ARHGEF1: variants seen among roughly 807,000 people sequenced by gnomAD.
ARHGEF1 encodes Rho guanine nucleotide exchange factor 1.
In ARHGEF1, 40 loss-of-function variants were observed where a neutral mutation model predicts 119.7. The observed-to-expected ratio is 0.33, with a 90% CI of 0.26 to 0.44. The LOEUF is 0.44. ARHGEF1 is among the 20% of genes least tolerant of loss of function. The probability of loss-of-function intolerance (pLI) is 1.00; values close to 1 mark genes in which losing one functional copy is unlikely to be tolerated. For synonymous variants in ARHGEF1, 494 were observed against 521.0 expected (o/e 0.95, Z 0.71); for missense variants, 976 against 1,268.3 (o/e 0.77, Z 3.50).
downstream of ARHGEF1, chr19:41,908,111 A>G (rs1185756284): frequency 1.3e-6 from 1 of 761,174 alleles, no homozygotes; most frequent in Non-Finnish European, 1.8e-6. This position sits in a 1 kb window ranked among gnomAD's most constrained non-coding sequence, Gnocchi z 6.7. Flanking sequence ...TGGGGCAGCA[A>G]TGTGCCCAGA....
At position 41,889,872 on chromosome 19, in the gene ARHGEF1, A is replaced by G. The variant is rs1172673344; in HGVS notation, c.225+1007A>G. On this transcript the variant is annotated intron_variant, in intron 4 of 28. Transcript: ENST00000354532. The surrounding 1 kb of genome is among the most constrained non-coding windows in gnomAD (Gnocchi z 4.0). ...CACGGAGACTCTGGCCCTCTGAGCA[A>G]GGGAGTCCCCTATTCAAGCCTTGGG... is the stretch of plus-strand genomic sequence containing the variant. 2 of 152,218 alleles carry G rather than the reference A, an allele frequency of 1.3e-5. No homozygotes were observed. Among genetic ancestry groups the G allele is most frequent in the African/African-American group, 4.8e-5 (2 of 41,454 alleles). The allele number at this position is 152,218 out of a possible 1,614,324, so 9.4% of individuals were successfully genotyped here. A position where few individuals can be genotyped will look rare whatever the true frequency, so the allele number is the denominator to read the frequency against.
rs2074670355 is a variant in ARHGEF1, at chr19:41,905,211, G to C, written c.2286G>C (p.Leu762=). The change falls in exon 24 of 29, where the codon CTG becomes CTC. Residue 762 remains leucine, a synonymous_variant. Coordinates refer to ENST00000354532, the MANE Select transcript of ARHGEF1 (RefSeq NM_004706.4). The surrounding 1 kb of genome is among the most constrained non-coding windows in gnomAD (Gnocchi z 6.4). ...TCATCACTGAGACTGCCGGATCCCT[G>C]AAAGTCCCTGCCCCTGCCTCTCGCC... ...CALITETAGS[L]KVPAPASRPK... 4.3e-6 allele frequency: 7 copies of C among 1,614,062 alleles called. No homozygotes were observed. Among genetic ancestry groups the C allele is most frequent in the Non-Finnish European group, 5.1e-6 (6 of 1,179,976 alleles).
intron 14 of ARHGEF1, 143 bp from the exon 15 acceptor site, chr19:41,901,744 T>C (rs1319829956): frequency 9.6e-7 from 1 of 1,040,836 alleles, no homozygotes; most frequent in Admixed American, 2.7e-5. Context: ...TGAACCACCA[T>C]GGCTAGCCAG....
Position 41,901,965 on chromosome 19 carries a change from G to C in ARHGEF1, c.1346G>C (p.Cys449Ser). 3 of 1,614,038 alleles carry C rather than the reference G, an allele frequency of 1.9e-6. No homozygotes were observed. The highest frequency in any genetic ancestry group is 2.5e-6 in the Non-Finnish European group (3 of 1,180,000). The change falls in exon 15 of 29, where the codon TGC becomes TCC. Residue 449 changes from cysteine (C) to serine (S), a missense_variant. Transcript: ENST00000354532. ...CTCTTCTTCCAGCCCATGGCAGAAT[G>C]CCTGTTCTTCCCCTTGGAGGAGCTG... Reference protein sequence around the residue: ...HDLFFQPMAECLFFPLEELQN... With the variant: ...HDLFFQPMAESLFFPLEELQN...
rs1599667562 is a variant in ARHGEF1 at position 41,906,731 on chromosome 19, G to A, written c.2684G>A (p.Arg895Lys). ...EELEEEFCRL[R>K]PLLSQLGGNS... Reference sequence around the variant, plus strand: ...TTGGAGGAGGAATTTTGCCGCCTGAGACCCCTCCTGTCTCAGCTTGGGGGG... The same window carrying A: ...TTGGAGGAGGAATTTTGCCGCCTGAAACCCCTCCTGTCTCAGCTTGGGGGG... Residue 895 changes from arginine to lysine, a missense_variant, in exon 28 of 29, where the codon AGA becomes AAA. Transcript: ENST00000354532. The surrounding 1 kb of genome is among the most constrained non-coding windows in gnomAD (Gnocchi z 4.5). 14 of 1,611,126 alleles carry A rather than the reference G, an allele frequency of 8.7e-6. No homozygotes were observed. The highest frequency in any genetic ancestry group is 1.2e-5 in the Non-Finnish European group (14 of 1,178,886).
At chr19:41,896,936 TC>T (rs1435969969) in intron 13 of ARHGEF1, 3 of 265,148 alleles carry the variant, frequency 1.1e-5, no homozygotes, top group Non-Finnish European at 2.1e-5. Flanking sequence ...CTCTCTCACC[TC>T]CCCCCTCCTC....
chr19:41,918,512 C>T (rs1422376812), upstream of ARHGEF1, among the ~76,000 whole-genome samples: 1 of 145,154 alleles, frequency 6.9e-6, no homozygotes, highest in East Asian at 2.0e-4. Flanking sequence ...ACACACACCA[C>T]ACACATCACA....
chr19:41,920,576 G>A (rs558165653), upstream of ARHGEF1, among the ~76,000 whole-genome samples: 3 of 151,472 alleles, frequency 2.0e-5, no homozygotes, highest in African/African-American at 4.9e-5. Flanking sequence ...ACTCACAGAC[G>A]TGATGCACTC....
chr19:41,925,258 G>T (rs1329684649), intron 1 of ARHGEF1, among the ~76,000 whole-genome samples: 1 of 152,136 alleles, frequency 6.6e-6, no homozygotes, highest in Non-Finnish European at 1.5e-5. Flanking sequence ...AATGGCAGGT[G>T]CAGGGGGTTA....
At chr19:41,919,522 C>CAA (rs782787468), upstream of ARHGEF1, among the ~76,000 whole-genome samples, 3 of 151,862 alleles carry the variant, frequency 2.0e-5, no homozygotes, top group Non-Finnish European at 4.4e-5. Context: ...TACACACACA[C>CAA]ACACACACAC....
At chr19:41,919,821 G>C (rs554194814), upstream of ARHGEF1, among the ~76,000 whole-genome samples, 4 of 151,940 alleles carry the variant, frequency 2.6e-5, no homozygotes, top group Non-Finnish European at 5.9e-5. Flanking sequence ...GGCCTACCCT[G>C]CACAGCCACA....
Position 41,906,883 on chromosome 19 carries a change from C to A in ARHGEF1, c.*17+80C>A. The A allele has an allele frequency of 8.9e-7, 1 of 1,129,108 alleles. No homozygotes were observed. Among genetic ancestry groups the A allele is most frequent in the Non-Finnish European group, 1.2e-6 (1 of 800,560 alleles). 69.9% of individuals were successfully genotyped at this position (1,129,108 alleles called of 1,614,324 possible). ...AGAGCTCGCATCCCTACAGCCCCTT[C>A]TGTCCATCTCCCTCTTTGTCTTTTC... On this transcript the variant is annotated intron_variant, in intron 28 of 28. Coordinates refer to ENST00000354532, the MANE Select transcript of ARHGEF1 (RefSeq NM_004706.4). This position sits in a 1 kb window ranked among gnomAD's most constrained non-coding sequence, Gnocchi z 4.5.
chr19:41,900,208 C>G (rs1461452688), intron 14 of ARHGEF1, among the ~76,000 whole-genome samples: 4 of 152,106 alleles, frequency 2.6e-5, no homozygotes, highest in African/African-American at 9.7e-5. Context: ...GTGGCGCATG[C>G]CTGTAATCCC....
chr19:41,925,938 C>T (rs553399447), intron 1 of ARHGEF1, among the ~76,000 whole-genome samples: 1 of 151,864 alleles, frequency 6.6e-6, no homozygotes, highest in South Asian at 2.1e-4. Context: ...GACAGGTTAG[C>T]AGGTTGCATG....
At chr19:41,921,164 C>T (rs367565234), upstream of ARHGEF1, among the ~76,000 whole-genome samples, 2 of 151,944 alleles carry the variant, frequency 1.3e-5, no homozygotes, top group Admixed American at 1.3e-4. This position sits in a 1 kb window ranked among gnomAD's most constrained non-coding sequence, Gnocchi z 4.4. Flanking sequence ...TGAGGCGAGG[C>T]GGAGGGAGGT....
chr19:41,892,447 G>C lies in ARHGEF1; in HGVS notation c.367+74G>C, dbSNP rs2074392236. 2 of 1,606,022 alleles carry C rather than the reference G, an allele frequency of 1.2e-6. No homozygotes were observed. Among genetic ancestry groups the C allele is most frequent in the Non-Finnish European group, 1.7e-6 (2 of 1,173,746 alleles). ...CTCCCAGGAGGCCAAGGGGAGGGAG[G>C]CCGCACTCCCATGCTCTGCTCGGAC... On this transcript the variant is annotated intron_variant, in intron 6 of 28. Coordinates refer to ENST00000354532, the MANE Select transcript of ARHGEF1 (RefSeq NM_004706.4). This position sits in a 1 kb window ranked among gnomAD's most constrained non-coding sequence, Gnocchi z 6.3.
rs150988250 is a variant in ARHGEF1 at position 41,902,415 on chromosome 19, C to T, written c.1497+59C>T. The T allele has an allele frequency of 2.5e-4, 396 of 1,611,966 alleles. No individual in the cohort carries two copies. The African/African-American group carries it at 3.5e-3, about 14-fold the overall frequency. On this transcript the variant is annotated intron_variant, in intron 16 of 28. Transcript: ENST00000354532. This position sits in a 1 kb window ranked among gnomAD's most constrained non-coding sequence, Gnocchi z 6.5. ...AGACACATGGAATTCAGGCCCGGGA[C>T]GGGTCCTGAGCCCACCCTACTCCAG... is the stretch of plus-strand genomic sequence containing the variant.
chr19:41,924,923 T>A (rs1164611429), intron 1 of ARHGEF1, among the ~76,000 whole-genome samples: 1 of 152,042 alleles, frequency 6.6e-6, no homozygotes, highest in African/African-American at 2.4e-5. Flanking sequence ...GGGACAGGTA[T>A]CAAAAGTGAA....
chr19:41,917,046 C>T lies in ARHGEF1; in HGVS notation c.1866-6046C>T, dbSNP rs115030176. On this transcript the variant is annotated intron_variant, in intron 18 of 20. Transcript: ENST00000599589. This position sits in a 1 kb window ranked among gnomAD's most constrained non-coding sequence, Gnocchi z 4.8. The stretch of plus-strand genomic sequence containing the variant: ...TGTGTGCACATATGTGACACGTGCC[C>T]TTGTCTCAGACCTGCTTCTGTGACT... Among the ~76,000 whole-genome samples, 1,796 of 152,226 alleles carry T rather than the reference C, an allele frequency of 0.012. 25 individuals carry two copies. The highest frequency in any genetic ancestry group is 0.041 in the African/African-American group (1,707 of 41,514).
Sources: allele counts gnomAD v4.1 joint callset (sites outside exome capture counted in the v4.1 genomes callset), GRCh38; gene constraint gnomAD v4.1.1; non-coding constraint Gnocchi (gnomAD v3.1); transcripts MANE v1.5; gene names NCBI Gene and HGNC (gene_info 2026-07-23, HGNC 2026-07-21).